SCHIP1: variants seen among roughly 807,000 people sequenced by gnomAD.
SCHIP1 encodes schwannomin-interacting protein 1.
SCHIP1 carries 8 observed loss-of-function variants against 29.7 expected under a neutral mutation model. The ratio of observed to expected loss-of-function variants is 0.27; its 90% CI spans 0.16 to 0.49. The LOEUF is 0.49. SCHIP1 is among the 20% of genes least tolerant of loss of function. The pLI is 0.99. For missense variants in SCHIP1, 193 were observed against 294.6 expected (o/e 0.66, Z 2.52); for synonymous variants, 76 against 94.9 (o/e 0.80, Z 1.16).
chr3:159,322,799 TGAG>T, the SCHIP1 span, among the ~76,000 whole-genome samples: 1 of 152,166 alleles, frequency 6.6e-6, no homozygotes, highest in Non-Finnish European at 1.5e-5. Context: ...TGGCCTTTCC[TGAG>T]GTGGAAAAAA....
the SCHIP1 span, among the ~76,000 whole-genome samples, chr3:159,429,078 G>T: frequency 1.3e-5 from 2 of 151,378 alleles, no homozygotes; most frequent in Non-Finnish European, 1.5e-5. Context: ...GATAGCACTG[G>T]GAGATATACC....
intron 5 of SCHIP1, among the ~76,000 whole-genome samples, chr3:159,890,353 T>C (rs1717385957): frequency 6.6e-6 from 1 of 152,162 alleles, no homozygotes; most frequent in Admixed American, 6.5e-5. Flanking sequence ...TAAAACTTCA[T>C]ATTGGAAAAA....
chr3:159,409,136 C>G, the SCHIP1 span, among the ~76,000 whole-genome samples: 5 of 151,990 alleles, frequency 3.3e-5, no homozygotes, highest in Non-Finnish European at 7.4e-5. Context: ...GGTAACATAC[C>G]TCAACACAAT....
the SCHIP1 span, among the ~76,000 whole-genome samples, chr3:159,716,161 G>A: frequency 8.5e-5 from 13 of 152,310 alleles, no homozygotes; most frequent in African/African-American, 2.2e-4. Flanking sequence ...AGCTTCATAC[G>A]TGAAGGAGAA....
At chr3:159,794,418 T>C in the SCHIP1 span, among the ~76,000 whole-genome samples, 2 of 152,226 alleles carry the variant, frequency 1.3e-5, no homozygotes. Context: ...TGTGCTGAAA[T>C]GGTGCATTGC....
chr3:159,298,424 C>A, the SCHIP1 span, among the ~76,000 whole-genome samples: 2 of 152,128 alleles, frequency 1.3e-5, no homozygotes, highest in African/African-American at 4.8e-5. Flanking sequence ...CCTACAGGCT[C>A]CCCAGGATCT....
chr3:159,828,364 TATATATATATAC>T, the SCHIP1 span, among the ~76,000 whole-genome samples: 217 of 116,318 alleles, frequency 1.9e-3, 9 homozygotes, highest in African/African-American at 4.3e-3. Flanking sequence ...GTAACCTTTA[TATATATATATAC>T]ATATATATAT....
At chr3:159,681,671 A>G in the SCHIP1 span, among the ~76,000 whole-genome samples, 1 of 152,226 alleles carries the variant, frequency 6.6e-6, no homozygotes, top group Non-Finnish European at 1.5e-5. Context: ...CATGTTCAGG[A>G]GAGGTTTCCC....
chr3:159,337,164 T>C, the SCHIP1 span, among the ~76,000 whole-genome samples: 3 of 152,080 alleles, frequency 2.0e-5, no homozygotes, highest in Non-Finnish European at 2.9e-5. Context: ...TACTAAAAAC[T>C]CTCAATAAAT....
chr3:159,570,656 A>G, the SCHIP1 span, among the ~76,000 whole-genome samples: 1 of 152,116 alleles, frequency 6.6e-6, no homozygotes, highest in Non-Finnish European at 1.5e-5. Context: ...GTGAACTTTA[A>G]AGTAGTTTTT....
At chr3:159,790,095 G>A in the SCHIP1 span, among the ~76,000 whole-genome samples, 4 of 152,128 alleles carry the variant, frequency 2.6e-5, no homozygotes, top group Non-Finnish European at 5.9e-5. Context: ...TTAAGACAGG[G>A]GCAACTTTGG....
At chr3:159,624,949 C>A in the SCHIP1 span, among the ~76,000 whole-genome samples, 1 of 152,124 alleles carries the variant, frequency 6.6e-6, no homozygotes, top group African/African-American at 2.4e-5. Flanking sequence ...TGAAAGTTTG[C>A]AATGCACTTG....
chr3:159,687,118 C>T, the SCHIP1 span, among the ~76,000 whole-genome samples: 1 of 152,168 alleles, frequency 6.6e-6, no homozygotes, highest in Non-Finnish European at 1.5e-5. Flanking sequence ...ACTGGCTGGG[C>T]TACCCTCTGG....
the SCHIP1 span, among the ~76,000 whole-genome samples, chr3:159,561,224 A>G: frequency 6.6e-6 from 1 of 152,222 alleles, no homozygotes; most frequent in Non-Finnish European, 1.5e-5. Flanking sequence ...GATTACAGTG[A>G]GGGAGAATCT....
chr3:159,274,547 A>G, the SCHIP1 span: 13 of 781,744 alleles, frequency 1.7e-5, no homozygotes, highest in East Asian at 1.4e-3. Flanking sequence ...AAATCTTCAA[A>G]CCAGAAATAA....
chr3:159,311,056 C>T, the SCHIP1 span, among the ~76,000 whole-genome samples: 23 of 152,268 alleles, frequency 1.5e-4, no homozygotes, highest in African/African-American at 4.8e-4. Flanking sequence ...TACTAGAGCA[C>T]ATTCCCCCAC....
the SCHIP1 span, among the ~76,000 whole-genome samples, chr3:159,582,439 TG>T: frequency 6.6e-6 from 1 of 152,096 alleles, no homozygotes; most frequent in East Asian, 1.9e-4. Flanking sequence ...AGTGTTAGGA[TG>T]GGATGAGCCA....
the SCHIP1 span, among the ~76,000 whole-genome samples, chr3:159,322,034 G>C: frequency 6.6e-6 from 1 of 151,844 alleles, no homozygotes; most frequent in Non-Finnish European, 1.5e-5. Flanking sequence ...AGTATTACAG[G>C]CTACATCTTT....
chr3:159,378,132 G>A, the SCHIP1 span, among the ~76,000 whole-genome samples: 1 of 152,300 alleles, frequency 6.6e-6, no homozygotes, highest in African/African-American at 2.4e-5. Flanking sequence ...GCTGAAAAAA[G>A]GCTATCTTCA....
Sources: allele counts gnomAD v4.1 joint callset (sites outside exome capture counted in the v4.1 genomes callset), GRCh38; gene constraint gnomAD v4.1.1; transcripts MANE v1.5; gene names NCBI Gene and HGNC (gene_info 2026-07-23, HGNC 2026-07-21).